Variants in ME1 observed in about 807,000 individuals in gnomAD.
ME1 encodes the protein NADP-dependent malic enzyme.
ME1 carries 74 observed loss-of-function variants against 66.4 expected under a neutral mutation model. The observed-to-expected ratio is 1.11, with a 90% CI of 0.92 to 1.35. The LOEUF (loss-of-function observed/expected upper bound fraction) is 1.35, where lower values mean the gene tolerates loss of function less well. ME1 is among the 40% of genes most tolerant of loss of function. ME1 has a pLI of 0.00. For missense variants in ME1, 750 were observed against 694.1 expected (o/e 1.08, Z -0.90); for synonymous variants, 251 against 235.6 (o/e 1.07, Z -0.60).
At chr6:83,228,098 T>C (rs559523320) in intron 10 of ME1, among the ~76,000 whole-genome samples, 21 of 152,352 alleles carry the variant, frequency 1.4e-4, no homozygotes, top group African/African-American at 4.8e-4. Flanking sequence ...TCACAAGAGC[T>C]TGTAGGAATG....
intron 6 of ME1, among the ~76,000 whole-genome samples, chr6:83,274,762 T>G: frequency 6.6e-6 from 1 of 152,224 alleles, no homozygotes; most frequent in Non-Finnish European, 1.5e-5. Context: ...TGCTTGCTGC[T>G]ATTTACAAAT....
intron 5 of ME1, among the ~76,000 whole-genome samples, chr6:83,319,515 T>G (rs1055100055): frequency 2.0e-5 from 3 of 152,068 alleles, no homozygotes; most frequent in Non-Finnish European, 4.4e-5. Context: ...TGGCACTATC[T>G]TGGATTATTA....
At chr6:83,289,467 T>A (rs947068129) in intron 6 of ME1, among the ~76,000 whole-genome samples, 8 of 152,238 alleles carry the variant, frequency 5.3e-5, no homozygotes, top group African/African-American at 1.7e-4. Flanking sequence ...GATTTGCATA[T>A]GTTGAACCAG....
chr6:83,402,348 A>T (rs1373772043), intron 2 of ME1, among the ~76,000 whole-genome samples: 1 of 151,890 alleles, frequency 6.6e-6, no homozygotes, highest in African/African-American at 2.4e-5. Context: ...CTCACTAACA[A>T]CCCTAGTGTC....
intron 13 of ME1, among the ~76,000 whole-genome samples, chr6:83,215,411 A>G (rs938865314): frequency 1.3e-5 from 2 of 152,180 alleles, no homozygotes; most frequent in Non-Finnish European, 2.9e-5. Flanking sequence ...TATTGACCCA[A>G]AATGTCCACA....
intron 6 of ME1, among the ~76,000 whole-genome samples, chr6:83,280,784 A>G (rs922418600): frequency 5.9e-5 from 9 of 152,220 alleles, no homozygotes; most frequent in African/African-American, 2.2e-4. Flanking sequence ...ATAATTAGGT[A>G]TTAGTTGATA....
At chr6:83,353,580 T>G (rs2128544780) in intron 3 of ME1, among the ~76,000 whole-genome samples, 1 of 152,266 alleles carries the variant, frequency 6.6e-6, no homozygotes, top group East Asian at 1.9e-4. Flanking sequence ...TGTGGTTTTG[T>G]TTTTGGTTTT....
At chr6:83,426,271 C>T (rs1373984823) in intron 1 of ME1, among the ~76,000 whole-genome samples, 1 of 152,176 alleles carries the variant, frequency 6.6e-6, no homozygotes, top group African/African-American at 2.4e-5. Context: ...CAAATCCATT[C>T]CTTTCTTCAA....
intron 8 of ME1, among the ~76,000 whole-genome samples, chr6:83,238,096 T>C (rs1790448710): frequency 1.3e-5 from 2 of 152,094 alleles, no homozygotes; most frequent in African/African-American, 4.8e-5. Flanking sequence ...CAAGAAAAAA[T>C]ACTGAATTCA....
intron 3 of ME1, among the ~76,000 whole-genome samples, chr6:83,374,875 T>C (rs1168643734): frequency 6.6e-6 from 1 of 152,196 alleles, no homozygotes; most frequent in African/African-American, 2.4e-5. Flanking sequence ...TTGCTTGTTT[T>C]TGTCAGGTTT....
intron 1 of ME1, among the ~76,000 whole-genome samples, chr6:83,412,836 G>C (rs1020489986): frequency 2.0e-5 from 3 of 152,088 alleles, no homozygotes; most frequent in African/African-American, 7.2e-5. Context: ...TGGAAAAAAG[G>C]GTTTGACTTC....
At chr6:83,252,506 G>T (rs1416481927) in intron 7 of ME1, among the ~76,000 whole-genome samples, 1 of 152,096 alleles carries the variant, frequency 6.6e-6, no homozygotes, top group Non-Finnish European at 1.5e-5. Flanking sequence ...TTGCCATGTT[G>T]CCCAGGATGG....
At chr6:83,256,751 T>C (rs1206290130) in intron 6 of ME1, among the ~76,000 whole-genome samples, 1 of 152,296 alleles carries the variant, frequency 6.6e-6, no homozygotes, top group Admixed American at 6.5e-5. Context: ...TGTATGTTTA[T>C]TGTGGGACTA....
intron 10 of ME1, 85 bp from the exon 11 acceptor site, chr6:83,227,562 A>T: frequency 8.6e-7 from 1 of 1,162,018 alleles, no homozygotes; most frequent in Non-Finnish European, 1.2e-6. Context: ...AATGATATCT[A>T]TCAGCTCATT....
chr6:83,309,210 T>C (rs1767884607), intron 6 of ME1, among the ~76,000 whole-genome samples: 1 of 152,178 alleles, frequency 6.6e-6, no homozygotes, highest in Non-Finnish European at 1.5e-5. Context: ...GCTTTTGTGT[T>C]GAGGACAGAC....
chr6:83,228,587 G>C lies in ME1; in HGVS notation c.1132+239C>G, dbSNP rs147615558. ...AATCAAGCCTAGAAAAGTGCTGAAC[G>C]TGCCAGGTATTAACAGGCTGAGTTA... On this transcript the variant is annotated intron_variant, in intron 10 of 13. Coordinates refer to ENST00000369705, the MANE Select transcript of ME1 (RefSeq NM_002395.6). Among the ~76,000 whole-genome samples the C allele has an allele frequency of 4.6e-5, 7 of 152,228 alleles. No individual in the cohort carries two copies. The East Asian group carries it at 1.3e-3, about 29-fold the overall frequency.
chr6:83,301,683 A>G (rs527851031), intron 6 of ME1, among the ~76,000 whole-genome samples: 1 of 152,164 alleles, frequency 6.6e-6, no homozygotes, highest in Non-Finnish European at 1.5e-5. Context: ...GCAGCCAACA[A>G]ACATATGAAA....
At chr6:83,357,833 T>C (rs1457513196) in intron 3 of ME1, among the ~76,000 whole-genome samples, 3 of 149,722 alleles carry the variant, frequency 2.0e-5, no homozygotes, top group Non-Finnish European at 3.0e-5. Flanking sequence ...TGGCTCTCCT[T>C]GCTCCTCAGC....
Position 83,407,834 on chromosome 6 carries a change from T to C in ME1, c.146A>G (p.Asn49Ser), listed in dbSNP as rs2128552031. 6.2e-7 allele frequency: 1 copy of C among 1,613,558 alleles called. No homozygotes were observed. The highest frequency in any genetic ancestry group is 1.3e-5 in the African/African-American group (1 of 75,016). Reference sequence around the variant, plus strand: ...TCTAAGAACCTGGATCTCCTGACTGTTGAAGGAAGGTGGCAACAATCCATG... The same window carrying C: ...TCTAAGAACCTGGATCTCCTGACTGCTGAAGGAAGGTGGCAACAATCCATG... ...NIHGLLPPSF[N>S]SQEIQVLRVV... The change falls in exon 2 of 14, where the codon AAC becomes AGC. Residue 49 changes from asparagine to serine, a missense_variant. Transcript: ENST00000369705.
Sources: gnomAD v4.1 joint callset for allele counts (sites outside exome capture counted in the v4.1 genomes callset) on GRCh38, gnomAD v4.1.1 for gene constraint, MANE v1.5 for transcripts, NCBI Gene and HGNC (gene_info 2026-07-23, HGNC 2026-07-21) for gene names.